The following NDUFA9 variants were observed in gnomAD, a reference collection of about 807,000 sequenced individuals.
NDUFA9 encodes the protein NADH dehydrogenase [ubiquinone] 1 alpha subcomplex subunit 9, mitochondrial.
In NDUFA9, 23 loss-of-function variants were observed where a neutral mutation model predicts 45.9. The observed-to-expected ratio is 0.50, with a 90% confidence interval of 0.36 to 0.71. The LOEUF (loss-of-function observed/expected upper bound fraction) is 0.71, where lower values mean the gene tolerates loss of function less well. Among genes scored for constraint, NDUFA9 ranks in the 30% least tolerant of loss-of-function variants. NDUFA9 has a pLI of 0.00. For synonymous variants in NDUFA9, 176 were observed against 170.5 expected (o/e 1.03, Z -0.25); for missense variants, 466 against 488.2 (o/e 0.95, Z 0.43).
intron 8 of NDUFA9, among the ~76,000 whole-genome samples, chr12:4,678,663 G>T (rs1945935043): frequency 6.6e-6 from 1 of 152,088 alleles, no homozygotes; most frequent in African/African-American, 2.4e-5. Flanking sequence ...CAGCCCAGCA[G>T]ATGTACTTAA....
intron 10 of NDUFA9, 114 bp from the exon 11 acceptor site, chr12:4,686,824 A>G (rs1945989454): frequency 2.0e-6 from 2 of 984,340 alleles, no homozygotes; most frequent in Admixed American, 2.8e-5. Flanking sequence ...TTTGAAAGCA[A>G]TTAAGTCTCA....
rs17701871 is a variant in NDUFA9 at position 4,668,183 on chromosome 12, C to T, written c.656-274C>T. ...AGCTAGAGTCCAGTCTTGGTCGTAG[C>T]GATGCATTTAGCATTGCAGAGCAGA... is the stretch of plus-strand genomic sequence containing the variant. On this transcript the variant is annotated intron_variant, in intron 6 of 10. Coordinates refer to ENST00000266544, the MANE Select transcript of NDUFA9 (RefSeq NM_005002.5). Among the ~76,000 whole-genome samples the T allele has an allele frequency of 0.16, 25,068 of 152,150 alleles. 2,252 individuals are homozygous for T. Among genetic ancestry groups the T allele is most frequent in the Middle Eastern group, 0.21 (61 of 294 alleles).
intron 1 of NDUFA9, among the ~76,000 whole-genome samples, chr12:4,650,768 G>T (rs967614677): frequency 6.6e-6 from 1 of 152,126 alleles, no homozygotes; most frequent in Non-Finnish European, 1.5e-5. Flanking sequence ...GTCTCTTTAG[G>T]GCTGTTATGA....
At chr12:4,651,755 T>G (rs1293184290) in intron 1 of NDUFA9, among the ~76,000 whole-genome samples, 1 of 152,140 alleles carries the variant, frequency 6.6e-6, no homozygotes, top group Non-Finnish European at 1.5e-5. Flanking sequence ...TCCTTACTCT[T>G]CACTCTTATC....
At chr12:4,665,264 C>T (rs1238812289) in intron 6 of NDUFA9, among the ~76,000 whole-genome samples, 1 of 152,184 alleles carries the variant, frequency 6.6e-6, no homozygotes, top group Non-Finnish European at 1.5e-5. Context: ...TCCCCCCAGC[C>T]CCTGGCAACT....
At position 4,688,896 on chromosome 12, in the gene NDUFA9, T is replaced by G. The variant is rs1429847274; in HGVS notation, c.*1788T>G. 6.6e-6 allele frequency: 1 copy of G among 152,264 alleles called. No individual in the cohort carries two copies. The highest frequency in any genetic ancestry group is 1.5e-5 in the Non-Finnish European group (1 of 68,046). 9.4% of individuals were successfully genotyped at this position (152,264 alleles called of 1,614,324 possible). On this transcript the variant is annotated 3_prime_UTR_variant, in exon 11 of 11. Coordinates refer to ENST00000266544, the MANE Select transcript of NDUFA9 (RefSeq NM_005002.5). ...GGCACAGAGATGGGTGGATTTAATT[T>G]GAAAAGGAACTATAATTCTATAATG...
Position 4,687,124 on chromosome 12 carries a change from T to A in NDUFA9, c.*16T>A, listed in dbSNP as rs1366989479. 3.1e-6 allele frequency: 5 copies of A among 1,612,968 alleles called. No homozygotes were observed. The African/African-American group carries it at 4.0e-5, about 13-fold the overall frequency. On this transcript the variant is annotated 3_prime_UTR_variant, in exon 11 of 11. Transcript: ENST00000266544. ...CAACATTTAGTGCCTCCTGAGCAGCTCTTGGTTTTGGCGTCTTTTGGGTCG... is the reference window on the plus strand; with the variant it reads ...CAACATTTAGTGCCTCCTGAGCAGCACTTGGTTTTGGCGTCTTTTGGGTCG...
intron 8 of NDUFA9, among the ~76,000 whole-genome samples, chr12:4,675,876 T>G (rs1945916768): frequency 6.6e-6 from 1 of 152,200 alleles, no homozygotes; most frequent in African/African-American, 2.4e-5. Flanking sequence ...TTCAGGCCAA[T>G]GTCCCTGATG....
Position 4,694,295 on chromosome 12 carries a change from T to G in NDUFA9, c.*7187T>G, listed in dbSNP as rs929479151. 3 of 152,334 alleles carry G rather than the reference T, an allele frequency of 2.0e-5. No individual in the cohort carries two copies. The highest frequency in any genetic ancestry group is 3.4e-3 in the Middle Eastern group (1 of 294). The allele number at this position is 152,334 out of a possible 1,614,324, so 9.4% of individuals were successfully genotyped here. A position where few individuals can be genotyped will look rare whatever the true frequency, so the allele number is the denominator to read the frequency against. On this transcript the variant is annotated 3_prime_UTR_variant, in exon 11 of 11. Coordinates refer to ENST00000266544, the MANE Select transcript of NDUFA9 (RefSeq NM_005002.5). ...CTCACTGAAAAATGAAATAAAATTT[T>G]TGGCATGTGCTCTTCTTTTGCATCT...
At chr12:4,655,358 C>G (rs1945783740) in intron 3 of NDUFA9, 1 of 156,330 alleles carries the variant, frequency 6.4e-6, no homozygotes, top group African/African-American at 2.4e-5. Flanking sequence ...GTGGTAGCCA[C>G]TGGCCACATG....
chr12:4,663,014 T>C (rs187400600), intron 6 of NDUFA9, among the ~76,000 whole-genome samples: 177 of 152,314 alleles, frequency 1.2e-3, no homozygotes, highest in Non-Finnish European at 2.2e-3. Flanking sequence ...CAACCACTGA[T>C]CTTTTTATTG....
chr12:4,656,828 T>A (rs1343235600), intron 3 of NDUFA9, among the ~76,000 whole-genome samples: 1 of 152,228 alleles, frequency 6.6e-6, no homozygotes, highest in African/African-American at 2.4e-5. Flanking sequence ...AAACTGGGAT[T>A]TGCATTCCTG....
chr12:4,661,910 G>A (rs546832137), intron 5 of NDUFA9, among the ~76,000 whole-genome samples: 13 of 152,190 alleles, frequency 8.5e-5, no homozygotes, highest in South Asian at 4.1e-4. Flanking sequence ...AGAGGAGGTC[G>A]TTGGAGTTGA....
chr12:4,663,385 G>A (rs1246196599), intron 6 of NDUFA9, among the ~76,000 whole-genome samples: 1 of 152,140 alleles, frequency 6.6e-6, no homozygotes, highest in Non-Finnish European at 1.5e-5. Context: ...TTCGTATGTT[G>A]AAGCCTTAAC....
rs1413386652 is a variant in NDUFA9, at chr12:4,689,681, G to A, written c.*2573G>A. 3.4e-5 allele frequency: 6 copies of A among 178,560 alleles called. No homozygotes were observed. Among genetic ancestry groups the A allele is most frequent in the Non-Finnish European group, 4.6e-5 (4 of 87,748 alleles). The allele number at this position is 178,560 out of a possible 1,614,324, so 11.1% of individuals were successfully genotyped here. A position where few individuals can be genotyped will look rare whatever the true frequency, so the allele number is the denominator to read the frequency against. ...TTTTCTTAGTACAGAACAAAGTGAAGTCTCCCATGTCTACTTCTTTCTACA... is the reference window on the plus strand; with the variant it reads ...TTTTCTTAGTACAGAACAAAGTGAAATCTCCCATGTCTACTTCTTTCTACA... On this transcript the variant is annotated 3_prime_UTR_variant, in exon 11 of 11. Transcript: ENST00000266544.
chr12:4,673,783 G>C (rs1945902356), intron 8 of NDUFA9, among the ~76,000 whole-genome samples: 1 of 152,166 alleles, frequency 6.6e-6, no homozygotes, highest in African/African-American at 2.4e-5. Context: ...AACTAGCAAG[G>C]CAGGCCAACA....
chr12:4,660,769 G>A (rs142069682), intron 5 of NDUFA9, among the ~76,000 whole-genome samples: 98 of 152,278 alleles, frequency 6.4e-4, no homozygotes, highest in African/African-American at 2.1e-3. Context: ...TCAAGCAAAT[G>A]TTAACTGTAA....
intron 5 of NDUFA9, among the ~76,000 whole-genome samples, chr12:4,660,963 T>G (rs2137467152): frequency 6.6e-6 from 1 of 151,606 alleles, no homozygotes; most frequent in South Asian, 2.1e-4. Flanking sequence ...GATGAAAGAC[T>G]GAGAGGATAG....
chr12:4,657,729 T>C lies in NDUFA9; in HGVS notation c.319-19T>C. 1.3e-6 allele frequency: 2 copies of C among 1,584,570 alleles called. No individual in the cohort carries two copies. The highest frequency in any genetic ancestry group is 2.2e-5 in the East Asian group (1 of 44,718). ...GGTATACCCCTATGTTTTCATCCGA[T>C]TGCTTTCTGCTATTATAGGAATGGG... On this transcript the variant is annotated intron_variant, in intron 3 of 10. Transcript: ENST00000266544.
Sources: gnomAD v4.1 joint callset for allele counts (sites outside exome capture counted in the v4.1 genomes callset) on GRCh38, gnomAD v4.1.1 for gene constraint, MANE v1.5 for transcripts, NCBI Gene and HGNC (gene_info 2026-07-23, HGNC 2026-07-21) for gene names.